The following ADARB2 variants were observed in gnomAD, a reference collection of about 807,000 sequenced individuals.
The protein encoded by ADARB2 is adenosine deaminase RNA specific B2 (inactive).
Under a neutral mutation model 62.2 loss-of-function variants are expected in ADARB2, and 25 were observed. That is an observed-to-expected ratio of 0.40 (90% CI 0.29 to 0.56). ADARB2 has a LOEUF of 0.56. Among genes scored for constraint, ADARB2 ranks in the 20% least tolerant of loss-of-function variants. The pLI is 0.43. For synonymous variants in ADARB2, 572 were observed against 500.8 expected (o/e 1.14, Z -1.90); for missense variants, 1,071 against 1,077.4 (o/e 0.99, Z 0.08).
intron 1 of ADARB2, among the ~76,000 whole-genome samples, chr10:1,673,312 T>TTGTGTGTGTG (rs1373662397): frequency 1.4e-5 from 1 of 72,222 alleles, no homozygotes; most frequent in Non-Finnish European, 2.9e-5. Context: ...AGATTTCATT[T>TTGTGTGTGTG]TATGTGTGTG....
chr10:1,249,441 CAAAAA>C (rs59037749), intron 4 of ADARB2, among the ~76,000 whole-genome samples: 2 of 74,414 alleles, frequency 2.7e-5, no homozygotes, highest in South Asian at 5.2e-4. Flanking sequence ...GACCCTGTCT[CAAAAA>C]AAAAAAAAAA....
Position 1,566,091 on chromosome 10 carries a change from A to C in ADARB2, c.100+170960T>G, listed in dbSNP as rs867752603. 5.1e-3 allele frequency among the ~76,000 whole-genome samples: 732 copies of C among 143,752 alleles called. 33 individuals are homozygous for C. The highest frequency in any genetic ancestry group is 0.017 in the African/African-American group (647 of 37,650). 94.3% of individuals were successfully genotyped at this position (143,752 alleles called of 152,430 possible). ...AAAAAAAAAAAAAAAAAAAAAAAAA[A>C]AAAAAAAAAAAAAAAAAAACTCCCC... On this transcript the variant is annotated intron_variant, in intron 1 of 9. Coordinates refer to ENST00000381312, the MANE Select transcript of ADARB2 (RefSeq NM_018702.4).
At chr10:1,418,849 T>A (rs534385411) in intron 1 of ADARB2, among the ~76,000 whole-genome samples, 5 of 152,282 alleles carry the variant, frequency 3.3e-5, no homozygotes, top group African/African-American at 1.2e-4. Context: ...ATGTCTTGAT[T>A]TTTGTCAGTT....
In ADARB2 at chr10:1,257,073, G is replaced by A. The variant is rs560888181; in HGVS notation, c.1192+13882C>T. On this transcript the variant is annotated intron_variant, in intron 4 of 9. Transcript: ENST00000381312. Reference sequence around the variant, plus strand: ...TATGCTTTTGTTCTGTTTTTAAGAAGATCATATTTGAATCAGCTCAGAGGC... The same window carrying A: ...TATGCTTTTGTTCTGTTTTTAAGAAAATCATATTTGAATCAGCTCAGAGGC... 3.9e-5 allele frequency among the ~76,000 whole-genome samples: 6 copies of A among 152,328 alleles called. No homozygotes were observed. In the East Asian group the frequency reaches 1.2e-3, roughly 29 times the overall value.
chr10:1,457,695 T>TC (rs1831111852), intron 1 of ADARB2, among the ~76,000 whole-genome samples: 1 of 152,112 alleles, frequency 6.6e-6, no homozygotes, highest in Admixed American at 6.6e-5. Flanking sequence ...CCTGATGGCC[T>TC]CCCTCACAAA....
At chr10:1,472,529 T>A (rs1215104328) in intron 1 of ADARB2, among the ~76,000 whole-genome samples, 1 of 152,178 alleles carries the variant, frequency 6.6e-6, no homozygotes, top group Non-Finnish European at 1.5e-5. Flanking sequence ...CTCACCATGC[T>A]GGGGACTTGG....
intron 1 of ADARB2, among the ~76,000 whole-genome samples, chr10:1,522,798 G>A (rs1004269578): frequency 7.2e-5 from 11 of 152,004 alleles, no homozygotes; most frequent in Middle Eastern, 3.4e-3. Flanking sequence ...GAATACTTCC[G>A]AGGTCCTCAG....
At chr10:1,610,791 C>A (rs192000079) in intron 1 of ADARB2, among the ~76,000 whole-genome samples, 1 of 151,044 alleles carries the variant, frequency 6.6e-6, no homozygotes, top group Non-Finnish European at 1.5e-5. Context: ...CACATGTGCA[C>A]AGGCACATGC....
At chr10:1,725,828 C>G (rs962642170) in intron 1 of ADARB2, among the ~76,000 whole-genome samples, 1 of 152,238 alleles carries the variant, frequency 6.6e-6, no homozygotes, top group South Asian at 2.1e-4. Flanking sequence ...ATCAGCTCAT[C>G]CCGAACCGAA....
At chr10:1,474,998 G>T (rs1031816918) in intron 1 of ADARB2, among the ~76,000 whole-genome samples, 6 of 152,152 alleles carry the variant, frequency 3.9e-5, no homozygotes, top group African/African-American at 1.4e-4. Context: ...TGCACAGTGG[G>T]TGGGACCCTG....
In ADARB2 at chr10:1,307,914, A is replaced by T. The variant is rs1297218011; in HGVS notation, c.1078-36845T>A. Among the ~76,000 whole-genome samples the T allele has an allele frequency of 4.2e-4, 50 of 118,868 alleles. 1 individual carries two copies. The highest frequency in any genetic ancestry group is 3.3e-3 in the Admixed American group (33 of 10,080). The allele number at this position is 118,868 out of a possible 152,430, so 78.0% of individuals were successfully genotyped here. On this transcript the variant is annotated intron_variant, in intron 3 of 9. Transcript: ENST00000381312. ...ATGGACACAGGAAGGGGAACATCAC[A>T]CTCTGGGGACTGTCGTGGGGTGGGG...
intron 1 of ADARB2, among the ~76,000 whole-genome samples, chr10:1,460,658 A>G (rs1564295895): frequency 8.2e-6 from 1 of 121,642 alleles, no homozygotes; most frequent in East Asian, 2.2e-4. Flanking sequence ...TTACCTGTGT[A>G]ACGAACCTGC....
intron 6 of ADARB2, among the ~76,000 whole-genome samples, chr10:1,228,477 G>A (rs896447767): frequency 3.3e-5 from 5 of 152,178 alleles, no homozygotes; most frequent in African/African-American, 4.8e-5. Flanking sequence ...CGTCGCCCTC[G>A]TGAGTCTGTG....
chr10:1,350,632 C>G (rs750680073), intron 3 of ADARB2, among the ~76,000 whole-genome samples: 1 of 152,174 alleles, frequency 6.6e-6, no homozygotes, highest in African/African-American at 2.4e-5. Context: ...CGTTTAGGCT[C>G]TTTTTCATCA....
At chr10:1,339,568 G>T (rs7082890) in intron 3 of ADARB2, among the ~76,000 whole-genome samples, 48,712 of 152,066 alleles carry the variant, frequency 0.32, 7,943 homozygotes, top group Middle Eastern at 0.41. Flanking sequence ...ACCAAACACA[G>T]CATAAATATC....
At chr10:1,372,305 T>G (rs1264647528) in intron 2 of ADARB2, among the ~76,000 whole-genome samples, 5 of 113,780 alleles carry the variant, frequency 4.4e-5, no homozygotes, top group Non-Finnish European at 1.1e-4. Context: ...CACTGAGGAC[T>G]TGAGAAGGGG....
At chr10:1,521,652 C>T (rs560052647) in intron 1 of ADARB2, among the ~76,000 whole-genome samples, 1 of 152,118 alleles carries the variant, frequency 6.6e-6, no homozygotes, top group Non-Finnish European at 1.5e-5. Context: ...ACTTCGATCT[C>T]CACCAACTCT....
At chr10:1,435,124 T>C (rs1359300723) in intron 1 of ADARB2, among the ~76,000 whole-genome samples, 1 of 152,232 alleles carries the variant, frequency 6.6e-6, no homozygotes, top group East Asian at 1.9e-4. Flanking sequence ...GAACCCACCC[T>C]GGCCCGAGGC....
At position 1,228,459 on chromosome 10, in the gene ADARB2, A is replaced by G. The variant is rs561265897; in HGVS notation, c.1513+5235T>C. Among the ~76,000 whole-genome samples the G allele has an allele frequency of 5.6e-4, 85 of 152,318 alleles. 1 individual carries two copies. The highest frequency in any genetic ancestry group is 1.9e-3 in the African/African-American group (80 of 41,570). On this transcript the variant is annotated intron_variant, in intron 6 of 9. Coordinates refer to ENST00000381312, the MANE Select transcript of ADARB2 (RefSeq NM_018702.4). ...CTATCCCAGGCCTCCCAGGGCCACTAAAGGACCCGTCGCCCTCGTGAGTCT... is the reference window on the plus strand; with the variant it reads ...CTATCCCAGGCCTCCCAGGGCCACTGAAGGACCCGTCGCCCTCGTGAGTCT...
Sources: allele counts gnomAD v4.1 joint callset (sites outside exome capture counted in the v4.1 genomes callset), GRCh38; gene constraint gnomAD v4.1.1; transcripts MANE v1.5; gene names NCBI Gene and HGNC (gene_info 2026-07-23, HGNC 2026-07-21).